CLEC2L: variants seen among roughly 807,000 people sequenced by gnomAD.
CLEC2L encodes the protein C-type lectin domain family 2 member L.
In CLEC2L, 14 loss-of-function variants were observed where a neutral mutation model predicts 23.6. The ratio of observed to expected loss-of-function variants is 0.59; its 90% CI spans 0.39 to 0.93. The LOEUF is 0.93. CLEC2L is among the 40% of genes least tolerant of loss of function. CLEC2L has a pLI of 0.00. For missense variants in CLEC2L, 264 were observed against 282.4 expected (o/e 0.93, Z 0.47); for synonymous variants, 114 against 121.3 (o/e 0.94, Z 0.40).
At chr7:139,536,812 T>G (rs150085928) in intron 2 of CLEC2L, among the ~76,000 whole-genome samples, 10 of 151,590 alleles carry the variant, frequency 6.6e-5, no homozygotes, top group African/African-American at 2.4e-4. Context: ...CGGTCTCTAC[T>G]AAAAGTGCAA....
At chr7:139,543,085 T>A (rs950320519) in intron 4 of CLEC2L, among the ~76,000 whole-genome samples, 3 of 152,164 alleles carry the variant, frequency 2.0e-5, no homozygotes, top group African/African-American at 7.2e-5. Flanking sequence ...ATCCTCCTGG[T>A]TGCCAGAGGT....
chr7:139,541,569 CAG>C (rs1051433517), intron 3 of CLEC2L, among the ~76,000 whole-genome samples: 16 of 152,162 alleles, frequency 1.1e-4, no homozygotes, highest in Non-Finnish European at 2.4e-4. Context: ...CTTTGATACA[CAG>C]TATGATATCC....
At chr7:139,524,571 A>G (rs529087395) in intron 1 of CLEC2L, among the ~76,000 whole-genome samples, 2 of 150,640 alleles carry the variant, frequency 1.3e-5, no homozygotes, top group African/African-American at 5.0e-5. Flanking sequence ...GTGGTGGGGC[A>G]TGTGGGGAGG....
At chr7:139,529,860 A>T (rs934022464) in intron 1 of CLEC2L, among the ~76,000 whole-genome samples, 1 of 152,108 alleles carries the variant, frequency 6.6e-6, no homozygotes, top group Non-Finnish European at 1.5e-5. Context: ...TGAGGTCAGG[A>T]GTTTGAGACC....
At chr7:139,524,557 C>G (rs1797479196) in intron 1 of CLEC2L, among the ~76,000 whole-genome samples, 1 of 151,602 alleles carries the variant, frequency 6.6e-6, no homozygotes, top group Non-Finnish European at 1.5e-5. Flanking sequence ...GCGGGGACCC[C>G]GTGGTGGTGG....
rs1015383550 is a variant in CLEC2L at position 139,524,057 on chromosome 7, C to T, written c.130C>T (p.Leu44=). 2 of 1,220,536 alleles carry T rather than the reference C, an allele frequency of 1.6e-6. No individual in the cohort carries two copies. The highest frequency in any genetic ancestry group is 4.3e-5 in the Admixed American group (1 of 23,082). The allele number at this position is 1,220,536 out of a possible 1,614,324, so 75.6% of individuals were successfully genotyped here. ...AEAEARGPEG[L]LRRSGSGYEG... ...GGCTGAGGCCCGCGGCCCCGAGGGG[C>T]TGCTGCGGCGATCCGGGTCGGGCTA... Residue 44 remains leucine (L), a synonymous_variant, in exon 1 of 5, where the codon CTG becomes TTG. Coordinates refer to ENST00000422142, the MANE Select transcript of CLEC2L (RefSeq NM_001080511.4).
intron 1 of CLEC2L, among the ~76,000 whole-genome samples, chr7:139,531,168 C>T (rs974118280): frequency 6.6e-6 from 1 of 152,120 alleles, no homozygotes; most frequent in Non-Finnish European, 1.5e-5. Flanking sequence ...CCCCAGACCC[C>T]TGAGGAAAGT....
At chr7:139,534,698 T>C in intron 1 of CLEC2L, 1 of 405,778 alleles carries the variant, frequency 2.5e-6, no homozygotes, top group Non-Finnish European at 4.4e-6. Flanking sequence ...AGATGAAATG[T>C]GAAGTTCTTT....
intron 1 of CLEC2L, 117 bp from the exon 2 acceptor site, chr7:139,536,157 A>C: frequency 1.3e-6 from 1 of 768,552 alleles, no homozygotes; most frequent in Non-Finnish European, 2.1e-6. Flanking sequence ...AACAACAACA[A>C]AACACAGCTT....
chr7:139,531,675 G>T (rs1797584058), intron 1 of CLEC2L, among the ~76,000 whole-genome samples: 4 of 152,152 alleles, frequency 2.6e-5, no homozygotes, highest in Admixed American at 2.6e-4. Flanking sequence ...TTGGGAGGCT[G>T]AGGCGGGTGG....
Position 139,540,292 on chromosome 7 carries a change from G to GGGGGGGGGGGGGGGGCC in CLEC2L, c.266-29_266-28insGGGGGGGGGGGGGGGCC. ...AGTGGGACTCGGGCTGGGGGGGCGG[G>GGGGGGGGGGGGGGGGCC]CAGGGCCGAGCTGGTCTCTTCCCTG... On this transcript the variant is annotated intron_variant, in intron 2 of 4. Coordinates refer to ENST00000422142, the MANE Select transcript of CLEC2L (RefSeq NM_001080511.4). The surrounding 1 kb of genome is among the most constrained non-coding windows in gnomAD (Gnocchi z 5.8). The GGGGGGGGGGGGGGGGCC allele has an allele frequency of 3.2e-6, 3 of 928,612 alleles. No individual in the cohort carries two copies. The highest frequency in any genetic ancestry group is 4.8e-6 in the Non-Finnish European group (3 of 628,326). 57.5% of individuals were successfully genotyped at this position (928,612 alleles called of 1,614,324 possible).
intron 2 of CLEC2L, among the ~76,000 whole-genome samples, chr7:139,538,972 C>CA (rs1247202502): frequency 7.9e-5 from 12 of 152,230 alleles, no homozygotes; most frequent in African/African-American, 2.9e-4. Flanking sequence ...GAAATGTAGC[C>CA]ACACCATGGT....
chr7:139,530,676 G>A (rs1301534898), intron 1 of CLEC2L, among the ~76,000 whole-genome samples: 1 of 151,970 alleles, frequency 6.6e-6, no homozygotes, highest in African/African-American at 2.4e-5. Context: ...AGCCGGGTGT[G>A]GTGGCGGGTG....
At chr7:139,524,764 C>A (rs898148526) in intron 1 of CLEC2L, among the ~76,000 whole-genome samples, 1 of 152,128 alleles carries the variant, frequency 6.6e-6, no homozygotes, top group African/African-American at 2.4e-5. Flanking sequence ...TTAGCTACCG[C>A]CGGCGGCGTG....
rs1002649519 is a variant in CLEC2L, at chr7:139,544,669, A to T, written c.*327A>T. The T allele has an allele frequency of 8.2e-6, 2 of 245,004 alleles. No homozygotes were observed. Among genetic ancestry groups the T allele is most frequent in the Admixed American group, 5.2e-5 (1 of 19,254 alleles). 15.2% of individuals were successfully genotyped at this position (245,004 alleles called of 1,614,324 possible). ...TGAAGCTCAGTGTCCATCCTGAGCC[A>T]CCCCACAGATCTCTCTCCGGCCCCC... is the stretch of plus-strand genomic sequence containing the variant. On this transcript the variant is annotated 3_prime_UTR_variant, in exon 5 of 5. Coordinates refer to ENST00000422142, the MANE Select transcript of CLEC2L (RefSeq NM_001080511.4).
At chr7:139,536,155 C>A in intron 1 of CLEC2L, 119 bp from the exon 2 acceptor site, 6 of 750,934 alleles carry the variant, frequency 8.0e-6, no homozygotes, top group Admixed American at 2.8e-5. Flanking sequence ...ACAACAACAA[C>A]AAAACACAGC....
chr7:139,528,612 C>T (rs1569425885), intron 1 of CLEC2L, among the ~76,000 whole-genome samples: 1 of 152,188 alleles, frequency 6.6e-6, no homozygotes, highest in East Asian at 1.9e-4. Flanking sequence ...ATTCAATTAC[C>T]TCCCACCCAG....
At chr7:139,538,430 C>CAAA (rs34520005) in intron 2 of CLEC2L, among the ~76,000 whole-genome samples, 2,198 of 97,800 alleles carry the variant, frequency 0.022, 55 homozygotes, top group African/African-American at 0.076. Flanking sequence ...GACTCTGTCT[C>CAAA]AAAAAAAAAA....
intron 1 of CLEC2L, among the ~76,000 whole-genome samples, chr7:139,532,585 T>G (rs1797596028): frequency 6.6e-6 from 1 of 152,168 alleles, no homozygotes; most frequent in Non-Finnish European, 1.5e-5. Flanking sequence ...CCCAAATTTA[T>G]AGGTTGAATC....
Sources: gnomAD v4.1 joint callset for allele counts (sites outside exome capture counted in the v4.1 genomes callset) on GRCh38, gnomAD v4.1.1 for gene constraint, Gnocchi (gnomAD v3.1) non-coding constraint, MANE v1.5 for transcripts, NCBI Gene and HGNC (gene_info 2026-07-23, HGNC 2026-07-21) for gene names.